Variants in BECN1 observed in about 807,000 individuals in gnomAD.
The protein encoded by BECN1 is beclin 1, also known as beclin-1.
A neutral mutation model predicts 60.1 loss-of-function variants in BECN1; 15 were observed. The ratio of observed to expected loss-of-function variants is 0.25; its 90% CI spans 0.17 to 0.38. The LOEUF (loss-of-function observed/expected upper bound fraction) is 0.38, where lower values mean the gene tolerates loss of function less well. Ranked by LOEUF, BECN1 falls within the 10% of genes least tolerant of loss-of-function variation. The pLI is 1.00. For synonymous variants in BECN1, 179 were observed against 201.8 expected, an observed-to-expected ratio of 0.89 and a Z score of 0.96; for missense variants, 424 against 548.2, an observed-to-expected ratio of 0.77 and a Z score of 2.26.
intron 2 of BECN1, among the ~76,000 whole-genome samples, chr17:42,821,072 T>C (rs371822151): frequency 1.3e-5 from 2 of 151,948 alleles, no homozygotes; most frequent in African/African-American, 4.8e-5. Flanking sequence ...ATTATTATTA[T>C]TACTTTAAGA....
intron 8 of BECN1, 94 bp from the exon 9 acceptor site, chr17:42,814,767 T>C: frequency 2.0e-6 from 3 of 1,480,424 alleles, no homozygotes; most frequent in Non-Finnish European, 1.8e-6. Context: ...CTTAAATCTA[T>C]CTTCAAGTCC....
At chr17:42,821,401 A>G (rs1382769577) in intron 2 of BECN1, among the ~76,000 whole-genome samples, 2 of 152,156 alleles carry the variant, frequency 1.3e-5, no homozygotes. Flanking sequence ...ATACAGAAAT[A>G]TTTACAGTAT....
At chr17:42,816,649 CA>C (rs1312388751) in intron 7 of BECN1, among the ~76,000 whole-genome samples, 3,810 of 77,226 alleles carry the variant, frequency 0.049, 159 homozygotes, top group African/African-American at 0.16. Flanking sequence ...GACTCTGTCT[CA>C]AAAAAAAAAA....
chr17:42,812,638 G>A (rs971147767), intron 10 of BECN1: 3 of 149,700 alleles, frequency 2.0e-5, no homozygotes, highest in African/African-American at 2.4e-5. Context: ...GGAGAACTGC[G>A]TGAACCTGGG....
Position 42,818,208 on chromosome 17 carries a change from G to A in BECN1, c.683+13C>T. On this transcript the variant is annotated intron_variant, in intron 7 of 11. Transcript: ENST00000590099. The stretch of plus-strand genomic sequence containing the variant: ...CCTCGAGTGTGAGAAGATAGAACAG[G>A]GTGAGCACTCACTGAGCTTCCTCCT... 1.2e-6 allele frequency: 2 copies of A among 1,612,822 alleles called. No individual in the cohort carries two copies. The highest frequency in any genetic ancestry group is 8.5e-7 in the Non-Finnish European group (1 of 1,179,284).
chr17:42,817,541 TATA>T (rs1324333028), intron 7 of BECN1, among the ~76,000 whole-genome samples: 1 of 152,178 alleles, frequency 6.6e-6, no homozygotes, highest in Non-Finnish European at 1.5e-5. Context: ...CAAGGACATC[TATA>T]ATGTTTTTAT....
At chr17:42,812,488 T>TG (rs2055040084) in intron 10 of BECN1, 1 of 149,988 alleles carries the variant, frequency 6.7e-6, no homozygotes, top group Non-Finnish European at 1.5e-5. Context: ...CCAAGGCGGG[T>TG]GGATCATGAG....
At chr17:42,811,024 ATCTATTAAAGAACACTTGGTG>A (rs2054990213) in intron 11 of BECN1, 96 bp from the exon 12 acceptor site, 3 of 1,280,186 alleles carry the variant, frequency 2.3e-6, no homozygotes, top group Non-Finnish European at 3.2e-6. Flanking sequence ...ACGTCATTTT[ATCTATTAAAGAACACTTGGTG>A]AGGAATGATA....
Position 42,823,898 on chromosome 17 carries a change from G to A in BECN1, c.-2-19C>T. ...TCCATCCCTGAGGCCGTGGAAAAGAGGCAACATTAGGGAGAAGCGACGCCC... is the reference window on the plus strand; with the variant it reads ...TCCATCCCTGAGGCCGTGGAAAAGAAGCAACATTAGGGAGAAGCGACGCCC... On this transcript the variant is annotated intron_variant, in intron 1 of 11. Coordinates refer to ENST00000590099, the MANE Select transcript of BECN1 (RefSeq NM_001313998.2). 2 of 1,611,466 alleles carry A rather than the reference G, an allele frequency of 1.2e-6. No individual in the cohort carries two copies. The highest frequency in any genetic ancestry group is 1.7e-6 in the Non-Finnish European group (2 of 1,178,064).
At position 42,813,937 on chromosome 17, in the gene BECN1, T is replaced by TCA. The variant is rs779141340; in HGVS notation, c.1041+9_1041+10dup. On this transcript the variant is annotated intron_variant, in intron 10 of 11. Coordinates refer to ENST00000590099, the MANE Select transcript of BECN1 (RefSeq NM_001313998.2). ...TCTGTATTCCAGTGAAAATGGAGCT[T>TCA]CACAGAGTACCTTAGATTTGTCTGT... The TCA allele has an allele frequency of 6.4e-7, 1 of 1,573,204 alleles. No individual in the cohort carries two copies. Among genetic ancestry groups the TCA allele is most frequent in the East Asian group, 2.2e-5 (1 of 44,458 alleles).
intron 2 of BECN1, among the ~76,000 whole-genome samples, chr17:42,821,602 A>C (rs2055265273): frequency 1.3e-5 from 2 of 152,234 alleles, no homozygotes; most frequent in Admixed American, 6.5e-5. Context: ...CAAGGAGGGA[A>C]CATAAGGAAA....
intron 2 of BECN1, among the ~76,000 whole-genome samples, chr17:42,822,702 TTTAA>T (rs1481731771): frequency 2.0e-5 from 3 of 152,066 alleles, no homozygotes; most frequent in Admixed American, 6.6e-5. Context: ...TCCTGGCCTT[TTTAA>T]TTAATTTATT....
chr17:42,814,777 C>T (rs2055110619), intron 8 of BECN1, 104 bp from the exon 9 acceptor site: 2 of 1,407,540 alleles, frequency 1.4e-6, no homozygotes, highest in Non-Finnish European at 1.9e-6. Context: ...TCTTCAAGTC[C>T]ATATATGCAA....
chr17:42,820,104 G>A (rs2055230914), intron 3 of BECN1, among the ~76,000 whole-genome samples: 1 of 152,098 alleles, frequency 6.6e-6, no homozygotes, highest in African/African-American at 2.4e-5. Context: ...GGCTTCTCTG[G>A]CTCCTGGACT....
intron 2 of BECN1, among the ~76,000 whole-genome samples, chr17:42,823,144 C>T (rs985304071): frequency 1.3e-5 from 2 of 152,208 alleles, no homozygotes; most frequent in Non-Finnish European, 2.9e-5. Flanking sequence ...GTGTAATGCA[C>T]TTGGTATTAC....
Position 42,818,603 on chromosome 17 carries a change from A to C in BECN1, c.429T>G (p.Thr143=). The C allele has an allele frequency of 6.2e-7, 1 of 1,614,144 alleles. No homozygotes were observed. Among genetic ancestry groups the C allele is most frequent in the Non-Finnish European group, 8.5e-7 (1 of 1,180,022 alleles). ...GCTGAGTGTCCAGCTGGTCTAAAAG[A>C]GTATCTGTGCATTCCTCACAGAGTG... is the stretch of plus-strand genomic sequence containing the variant. ...DHPLCEECTD[T]LLDQLDTQLN... is the part of the protein sequence containing the mutation. The change falls in exon 6 of 12, where the codon ACT becomes ACG. Residue 143 remains threonine, a synonymous_variant. Transcript: ENST00000590099.
At chr17:42,811,412 A>G in intron 11 of BECN1, 1 of 401,116 alleles carries the variant, frequency 2.5e-6, no homozygotes, top group Non-Finnish European at 4.4e-6. Flanking sequence ...AGGAGGCTTG[A>G]GCTCTATGCC....
chr17:42,818,098 G>C, intron 7 of BECN1, 123 bp downstream of exon 7: 2 of 1,019,066 alleles, frequency 2.0e-6, no homozygotes, highest in East Asian at 5.0e-5. Context: ...TGCAGGATCT[G>C]GGGCAGGCAT....
chr17:42,814,510 GC>G lies in BECN1; in HGVS notation c.980+13del. 2.5e-6 allele frequency: 4 copies of G among 1,614,022 alleles called. No homozygotes were observed. Among genetic ancestry groups the G allele is most frequent in the Non-Finnish European group, 3.4e-6 (4 of 1,179,996 alleles). On this transcript the variant is annotated intron_variant, in intron 9 of 11. Coordinates refer to ENST00000590099, the MANE Select transcript of BECN1 (RefSeq NM_001313998.2). ...AATGCACATCACTCCCCAAGAAAGG[GC>G]TACACTTCCTACCTCTGAAATTTCA...
Sources: gnomAD v4.1 joint callset for allele counts (sites outside exome capture counted in the v4.1 genomes callset) on GRCh38, gnomAD v4.1.1 for gene constraint, MANE v1.5 for transcripts, NCBI Gene and HGNC (gene_info 2026-07-23, HGNC 2026-07-21) for gene names.